RTTN: variants seen among roughly 807,000 people sequenced by gnomAD.
RTTN encodes the protein rotatin.
A neutral mutation model predicts 269.2 loss-of-function variants in RTTN; 182 were observed. The observed-to-expected ratio is 0.68, with a 90% CI of 0.60 to 0.76. The LOEUF is 0.76. Ranked by LOEUF, RTTN falls within the 30% of genes least tolerant of loss-of-function variation. The pLI, the probability that RTTN is intolerant of heterozygous loss-of-function variation, is 0.00. For synonymous variants in RTTN, 1,006 were observed against 963.5 expected, an observed-to-expected ratio of 1.04 and a Z score of -0.82; for missense variants, 2,545 against 2,608.6, an observed-to-expected ratio of 0.98 and a Z score of 0.53.
intron 34 of RTTN, among the ~76,000 whole-genome samples, chr18:70,070,136 T>C (rs546278196): frequency 6.6e-6 from 1 of 152,358 alleles, no homozygotes; most frequent in African/African-American, 2.4e-5. Flanking sequence ...AGACGATTCT[T>C]GCATGTCTAA....
chr18:70,192,203 C>G (rs2061687714), intron 8 of RTTN, among the ~76,000 whole-genome samples: 1 of 152,192 alleles, frequency 6.6e-6, no homozygotes, highest in African/African-American at 2.4e-5. Flanking sequence ...AGCTTGTTAA[C>G]AGTAGTAGCA....
At position 70,020,556 on chromosome 18, in the gene RTTN, T is replaced by C. The variant is rs2056672394; in HGVS notation, c.6153+59A>G. The C allele has an allele frequency of 1.2e-5, 17 of 1,383,658 alleles. No individual in the cohort carries two copies. The South Asian group carries it at 2.1e-4, about 17-fold the overall frequency. 85.7% of individuals were successfully genotyped at this position (1,383,658 alleles called of 1,614,324 possible). ...TAGAAATTGAGTTGTAAACTTTTGA[T>C]TGGAAAGATTATTTCACTGAGTACC... On this transcript the variant is annotated intron_variant, in intron 45 of 48. Coordinates refer to ENST00000640769, the MANE Select transcript of RTTN (RefSeq NM_173630.4).
intron 26 of RTTN, among the ~76,000 whole-genome samples, chr18:70,116,420 T>A (rs184874990): frequency 1.5e-4 from 22 of 151,456 alleles, no homozygotes; most frequent in Admixed American, 8.6e-4. Flanking sequence ...ATTACTGAAG[T>A]TTTTTTTTCT....
chr18:70,016,571 C>T (rs915658395), intron 46 of RTTN, among the ~76,000 whole-genome samples: 3 of 152,190 alleles, frequency 2.0e-5, no homozygotes, highest in African/African-American at 7.2e-5. Flanking sequence ...TCACTCCCCA[C>T]GAAATTCACA....
intron 11 of RTTN, among the ~76,000 whole-genome samples, chr18:70,174,829 T>C (rs1357950516): frequency 6.6e-6 from 1 of 151,156 alleles, no homozygotes; most frequent in Non-Finnish European, 1.5e-5. Flanking sequence ...AAGATCAGCC[T>C]GGCAAACATG....
chr18:70,098,007 C>T (rs1229358896), intron 28 of RTTN, among the ~76,000 whole-genome samples: 1 of 152,124 alleles, frequency 6.6e-6, no homozygotes, highest in African/African-American at 2.4e-5. Context: ...AGGAGACTGA[C>T]TCTGTAAAAG....
At chr18:70,182,840 C>T (rs921088639) in intron 10 of RTTN, among the ~76,000 whole-genome samples, 2 of 151,930 alleles carry the variant, frequency 1.3e-5, no homozygotes, top group Non-Finnish European at 2.9e-5. Flanking sequence ...AATTTAATTC[C>T]ATATTTTCTA....
rs775172403 is a variant in RTTN at position 70,205,311 on chromosome 18, A to G, written c.36T>C (p.His12=). 7.4e-6 allele frequency: 12 copies of G among 1,614,066 alleles called. No individual in the cohort carries two copies. In the Admixed American group the frequency reaches 1.8e-4, roughly 25 times the overall value. The part of the protein sequence containing the change: ...VLAGLIRKLG[H]QLAEIRERAL... ...CGCGCTCCCTGATCTCGGCCAGCTG[A>G]TGACCTGTCAACGAACGGCACAAAA... The change falls in exon 2 of 49, where the codon CAT becomes CAC. Residue 12 remains histidine, a synonymous_variant. Transcript: ENST00000640769.
intron 32 of RTTN, among the ~76,000 whole-genome samples, chr18:70,086,147 T>G (rs2145180414): frequency 6.6e-6 from 1 of 152,290 alleles, no homozygotes; most frequent in Non-Finnish European, 1.5e-5. Flanking sequence ...CATATTTAAC[T>G]ATCTACAAAT....
intron 46 of RTTN, among the ~76,000 whole-genome samples, chr18:70,013,976 T>C (rs2145482917): frequency 6.6e-6 from 1 of 152,350 alleles, no homozygotes; most frequent in Admixed American, 6.5e-5. Context: ...ATTTTTCTAA[T>C]CTATCTTCTA....
chr18:70,162,740 T>C (rs2060866520), intron 14 of RTTN, among the ~76,000 whole-genome samples: 1 of 151,322 alleles, frequency 6.6e-6, no homozygotes, highest in Non-Finnish European at 1.5e-5. Flanking sequence ...ACAAACCATA[T>C]CAGAGGGTGA....
In RTTN at chr18:70,024,808, G is replaced by A. The variant is rs758809549; in HGVS notation, c.5864C>T (p.Ser1955Phe). Residue 1955 changes from serine to phenylalanine, a missense_variant, in exon 44 of 49, where the codon TCT (serine) becomes TTT (phenylalanine). By Grantham distance (155) the Ser-to-Phe change is radical. Coordinates refer to ENST00000640769, the MANE Select transcript of RTTN (RefSeq NM_173630.4). Reference sequence around the variant, plus strand: ...ATCCATCAAAATCCAAGGCCAGAGAGAGTGCAAGACAGGGACAAGGTGAGC... The same window carrying A: ...ATCCATCAAAATCCAAGGCCAGAGAAAGTGCAAGACAGGGACAAGGTGAGC... ...LEAHLVPVLHSLWPWILMDDS... is the reference protein window; with the variant it reads ...LEAHLVPVLHFLWPWILMDDS... The A allele has an allele frequency of 1.9e-6, 3 of 1,614,058 alleles. No individual in the cohort carries two copies. In the East Asian group the frequency reaches 6.7e-5, roughly 36 times the overall value.
chr18:70,021,944 T>C (rs2056716806), intron 44 of RTTN, among the ~76,000 whole-genome samples: 1 of 152,194 alleles, frequency 6.6e-6, no homozygotes, highest in Non-Finnish European at 1.5e-5. Context: ...GAGACCCCAG[T>C]TGCTGGGCTA....
intron 36 of RTTN, 52 bp downstream of exon 36, chr18:70,059,798 T>G: frequency 1.7e-6 from 2 of 1,202,352 alleles, no homozygotes; most frequent in Non-Finnish European, 1.2e-6. Flanking sequence ...GAATACAGTT[T>G]GTGTAAATTT....
At chr18:70,088,549 C>T (rs1461579274) in intron 30 of RTTN, among the ~76,000 whole-genome samples, 1 of 152,062 alleles carries the variant, frequency 6.6e-6, no homozygotes, top group Non-Finnish European at 1.5e-5. Context: ...TTTTAACTTT[C>T]TTAAAACTTC....
intron 40 of RTTN, chr18:70,031,351 A>T: frequency 2.5e-6 from 1 of 399,928 alleles, no homozygotes; most frequent in East Asian, 3.6e-5. Context: ...AACTGTCATC[A>T]ATTTCCTCCT....
intron 29 of RTTN, 92 bp from the exon 30 acceptor site, chr18:70,092,312 A>C (rs2058871393): frequency 2.4e-6 from 2 of 847,398 alleles, no homozygotes; most frequent in South Asian, 3.4e-5. Flanking sequence ...AATGAAAACA[A>C]CGTGAAAATG....
intron 27 of RTTN, 90 bp downstream of exon 27, chr18:70,114,355 T>G: frequency 8.5e-7 from 1 of 1,171,506 alleles, no homozygotes; most frequent in Non-Finnish European, 1.2e-6. Flanking sequence ...ATTTCTTAAT[T>G]TGAAAGAAGT....
intron 26 of RTTN, among the ~76,000 whole-genome samples, chr18:70,116,632 C>A (rs574721046): frequency 2.6e-5 from 4 of 152,092 alleles, no homozygotes; most frequent in Non-Finnish European, 5.9e-5. Flanking sequence ...AATTTTAAAC[C>A]AACTACTTGG....
Sources: allele counts gnomAD v4.1 joint callset (sites outside exome capture counted in the v4.1 genomes callset), GRCh38; gene constraint gnomAD v4.1.1; transcripts MANE v1.5; gene names NCBI Gene and HGNC (gene_info 2026-07-23, HGNC 2026-07-21).